COA7: variants seen among roughly 807,000 people sequenced by gnomAD.
COA7 encodes the protein Sel1 repeat containing 1.
Under a neutral mutation model 21.0 loss-of-function variants are expected in COA7, and 12 were observed. The observed-to-expected ratio is 0.57, with a 90% CI of 0.37 to 0.92. The LOEUF (loss-of-function observed/expected upper bound fraction) is 0.92, where lower values mean the gene tolerates loss of function less well. Among genes scored for constraint, COA7 ranks in the 40% least tolerant of loss-of-function variants. The pLI is 0.01. For missense variants in COA7, 240 were observed against 286.1 expected (o/e 0.84, Z 1.16); for synonymous variants, 95 against 107.4 (o/e 0.88, Z 0.72).
At chr1:52,697,940 C>T (rs1241325054) in intron 1 of COA7, 1 of 415,204 alleles carries the variant, frequency 2.4e-6, no homozygotes. Flanking sequence ...CCCGCACTAG[C>T]TTGGAAGCTC....
Position 52,686,272 on chromosome 1 carries a change from A to G in COA7, c.*1448T>C, listed in dbSNP as rs2149902893. 6.6e-6 allele frequency: 1 copy of G among 152,286 alleles called. No homozygotes were observed. The highest frequency in any genetic ancestry group is 2.1e-4 in the South Asian group (1 of 4,820). The allele number at this position is 152,286 out of a possible 1,614,324, so 9.4% of individuals were successfully genotyped here. On this transcript the variant is annotated 3_prime_UTR_variant, in exon 3 of 3. Coordinates refer to ENST00000371538, the MANE Select transcript of COA7 (RefSeq NM_023077.3). ...TTGGGGAAGTCCCTGTCCTCTATCA[A>G]CTTGAGAGGCTGGCTGCTGTGCTCA... is the stretch of plus-strand genomic sequence containing the variant.
rs761487729 is a variant in COA7 at position 52,698,327 on chromosome 1, G to A, written c.-1C>T. 4 of 1,608,114 alleles carry A rather than the reference G, an allele frequency of 2.5e-6. No individual in the cohort carries two copies. Among genetic ancestry groups the A allele is most frequent in the Non-Finnish European group, 2.5e-6 (3 of 1,178,266 alleles). Reference sequence around the variant, plus strand: ...CCTGGAAGTCCACCATGCCGGCCATGGTTCGCGCCGGCCCAAAGACGGTCA... The same window carrying A: ...CCTGGAAGTCCACCATGCCGGCCATAGTTCGCGCCGGCCCAAAGACGGTCA... On this transcript the variant is annotated 5_prime_UTR_variant, in exon 1 of 3. Coordinates refer to ENST00000371538, the MANE Select transcript of COA7 (RefSeq NM_023077.3).
At chr1:52,695,129 AC>A (rs1281477386) in intron 1 of COA7, among the ~76,000 whole-genome samples, 1 of 152,088 alleles carries the variant, frequency 6.6e-6, no homozygotes, top group African/African-American at 2.4e-5. Flanking sequence ...TCCCGTCTCT[AC>A]TAAAAATACA....
In COA7 at chr1:52,687,420, C is replaced by G. The variant is rs1644013702; in HGVS notation, c.*300G>C. 1 of 337,992 alleles carries G rather than the reference C, an allele frequency of 3.0e-6. No homozygotes were observed. Among genetic ancestry groups the G allele is most frequent in the Non-Finnish European group, 5.4e-6 (1 of 184,572 alleles). The allele number at this position is 337,992 out of a possible 1,614,324, so 20.9% of individuals were successfully genotyped here. A position where few individuals can be genotyped will look rare whatever the true frequency, so the allele number is the denominator to read the frequency against. On this transcript the variant is annotated 3_prime_UTR_variant, in exon 3 of 3. Transcript: ENST00000371538. Reference sequence around the variant, plus strand: ...TTTGCTCCTATTTTTCACAGAGTTGCCAGAGTTTGAAAACTAAGACCCCCA... The same window carrying G: ...TTTGCTCCTATTTTTCACAGAGTTGGCAGAGTTTGAAAACTAAGACCCCCA...
rs79686441 is a variant in COA7 at position 52,695,732 on chromosome 1, G to A, written c.106+2489C>T. Among the ~76,000 whole-genome samples, 134 of 152,250 alleles carry A rather than the reference G, an allele frequency of 8.8e-4. 3 individuals are homozygous for A. The East Asian group carries it at 0.021, about 24-fold the overall frequency. ...CAAAGAGAGGGACAGGTTAGAAGGC[G>A]ACTTCAGTTATCCAGGTAAGAAAGT... is the stretch of plus-strand genomic sequence containing the variant. On this transcript the variant is annotated intron_variant, in intron 1 of 2. Coordinates refer to ENST00000371538, the MANE Select transcript of COA7 (RefSeq NM_023077.3).
intron 1 of COA7, among the ~76,000 whole-genome samples, chr1:52,694,438 C>T (rs1334355664): frequency 1.7e-5 from 2 of 114,934 alleles, no homozygotes; most frequent in African/African-American, 3.5e-5. Context: ...CCAGCCTGGG[C>T]AACAAGAGCA....
At position 52,687,932 on chromosome 1, in the gene COA7, G is replaced by A; in HGVS notation, c.484C>T (p.Pro162Ser). ...NLSAMFLQGA[P>S]GFPKDMDLAC... Reference sequence around the variant, plus strand: ...AGGTCCATGTCCTTGGGAAAGCCTGGGGCACCCTGCAGGAACATGGCACTG... The same window carrying A: ...AGGTCCATGTCCTTGGGAAAGCCTGAGGCACCCTGCAGGAACATGGCACTG... Residue 162 changes from proline (P) to serine (S), a missense_variant, in exon 3 of 3, where the codon CCA becomes TCA. Around this residue, in one of 3 missense-constraint regions of COA7, gnomAD observed 163 missense variants for 214.1 expected, o/e 0.76. Coordinates refer to ENST00000371538, the MANE Select transcript of COA7 (RefSeq NM_023077.3). 1 of 1,614,162 alleles carries A rather than the reference G, an allele frequency of 6.2e-7. No individual in the cohort carries two copies. The highest frequency in any genetic ancestry group is 8.5e-7 in the Non-Finnish European group (1 of 1,180,030).
At position 52,687,693 on chromosome 1, in the gene COA7, G is replaced by T. The variant is rs752873216; in HGVS notation, c.*27C>A. On this transcript the variant is annotated 3_prime_UTR_variant, in exon 3 of 3. Coordinates refer to ENST00000371538, the MANE Select transcript of COA7 (RefSeq NM_023077.3). Reference sequence around the variant, plus strand: ...AGGAGCTGCCAGCCTCAAGCAGTTTGTTGCCTGGGAGGGAGGGTGGACCAC... The same window carrying T: ...AGGAGCTGCCAGCCTCAAGCAGTTTTTTGCCTGGGAGGGAGGGTGGACCAC... 2 of 1,599,426 alleles carry T rather than the reference G, an allele frequency of 1.3e-6. No individual in the cohort carries two copies.
chr1:52,693,059 A>C (rs1033859837), intron 1 of COA7, among the ~76,000 whole-genome samples, 192 bp from the exon 2 acceptor site: 1 of 152,086 alleles, frequency 6.6e-6, no homozygotes, highest in African/African-American at 2.4e-5. Flanking sequence ...TACAAATGGC[A>C]TTGTCTCCCC....
At chr1:52,695,489 C>T (rs1194367778) in intron 1 of COA7, among the ~76,000 whole-genome samples, 1 of 151,654 alleles carries the variant, frequency 6.6e-6, no homozygotes, top group Non-Finnish European at 1.5e-5. Flanking sequence ...CAAAAAGCCA[C>T]CAAAACCAAA....
chr1:52,692,704 C>A (rs373570847), intron 2 of COA7, 23 bp downstream of exon 2: 2 of 1,613,626 alleles, frequency 1.2e-6, no homozygotes, highest in Non-Finnish European at 1.7e-6. Flanking sequence ...ATGACAAGGA[C>A]CCAAAAGGCA....
chr1:52,694,938 G>T (rs1300142820), intron 1 of COA7, among the ~76,000 whole-genome samples: 1 of 152,162 alleles, frequency 6.6e-6, no homozygotes, highest in Non-Finnish European at 1.5e-5. Context: ...TGAAACATAG[G>T]ATGGAGTTAT....
intron 2 of COA7, among the ~76,000 whole-genome samples, chr1:52,690,041 A>G (rs1283776102): frequency 6.2e-5 from 3 of 48,370 alleles, no homozygotes; most frequent in African/African-American, 5.6e-4. Flanking sequence ...AAAAAAAAAG[A>G]AAAAAAAAAA....
In COA7 at chr1:52,687,668, A is replaced by G. The variant is rs1644015296; in HGVS notation, c.*52T>C. The G allele has an allele frequency of 1.9e-6, 3 of 1,556,450 alleles. No homozygotes were observed. The highest frequency in any genetic ancestry group is 2.6e-6 in the Non-Finnish European group (3 of 1,142,998). On this transcript the variant is annotated 3_prime_UTR_variant, in exon 3 of 3. Transcript: ENST00000371538. ...AAGGGCTGCATCAGTCTTCAGAAAC[A>G]GGAGCTGCCAGCCTCAAGCAGTTTG...
chr1:52,696,237 GA>G (rs1353411188), intron 1 of COA7, among the ~76,000 whole-genome samples: 7 of 152,210 alleles, frequency 4.6e-5, no homozygotes, highest in African/African-American at 1.7e-4. Flanking sequence ...GTGATGGCGC[GA>G]TCTCAGCTCA....
At chr1:52,694,730 A>C (rs1441386842) in intron 1 of COA7, among the ~76,000 whole-genome samples, 1 of 126,510 alleles carries the variant, frequency 7.9e-6, no homozygotes. Context: ...AGGGATTTGG[A>C]AAAAATTTAA....
intron 1 of COA7, among the ~76,000 whole-genome samples, chr1:52,694,847 C>T (rs776956861): frequency 7.9e-5 from 12 of 152,008 alleles, no homozygotes; most frequent in Middle Eastern, 3.4e-3. Flanking sequence ...AAGTTTGGCA[C>T]GAATAAGGTA....
intron 2 of COA7, 134 bp downstream of exon 2, chr1:52,692,593 C>G (rs1644055492): frequency 6.9e-6 from 7 of 1,013,336 alleles, no homozygotes; most frequent in Non-Finnish European, 1.0e-5. Context: ...CTGCTGAACT[C>G]CTACCTCTCC....
At position 52,692,666 on chromosome 1, in the gene COA7, C is replaced by T; in HGVS notation, c.247+61G>A. ...CCTTCTGCAAGAGCTTATCATGGGG[C>T]TCAGGTGTGAGGCCAGCACTGCTAT... On this transcript the variant is annotated intron_variant, in intron 2 of 2. Transcript: ENST00000371538. The T allele has an allele frequency of 2.5e-6, 4 of 1,593,890 alleles. No individual in the cohort carries two copies. The South Asian group carries it at 4.5e-5, about 18-fold the overall frequency.
Sources: gnomAD v4.1 joint callset for allele counts (sites outside exome capture counted in the v4.1 genomes callset) on GRCh38, gnomAD v4.1.1 for gene constraint, gnomAD v4.1.1 regional missense constraint, MANE v1.5 for transcripts, NCBI Gene and HGNC (gene_info 2026-07-23, HGNC 2026-07-21) for gene names.